CORO2A: variants seen among roughly 807,000 people sequenced by gnomAD.
CORO2A encodes coronin-2A.
CORO2A carries 47 observed loss-of-function variants against 62.4 expected under a neutral mutation model. That is an observed-to-expected ratio of 0.75 (90% confidence interval 0.60 to 0.96). The LOEUF is 0.96. Among genes scored for constraint, CORO2A ranks in the 40% least tolerant of loss-of-function variants. The pLI, the probability that CORO2A is intolerant of heterozygous loss-of-function variation, is 0.00. For missense variants in CORO2A, 610 were observed against 684.1 expected, an observed-to-expected ratio of 0.89 and a Z score of 1.21; for synonymous variants, 273 against 268.9, an observed-to-expected ratio of 1.02 and a Z score of -0.15.
intron 1 of CORO2A, among the ~76,000 whole-genome samples, chr9:98,180,424 C>T (rs1446480467): frequency 2.0e-5 from 3 of 152,010 alleles, no homozygotes; most frequent in East Asian, 1.9e-4. Flanking sequence ...CCTCACATCA[C>T]GTTTTCATCT....
chr9:98,189,490 C>T (rs1268385274), intron 1 of CORO2A, among the ~76,000 whole-genome samples: 1 of 152,170 alleles, frequency 6.6e-6, no homozygotes, highest in Admixed American at 6.5e-5. Flanking sequence ...GGGGAGCTAG[C>T]TACCTGCCTC....
intron 1 of CORO2A, among the ~76,000 whole-genome samples, chr9:98,171,753 C>T (rs1828039300): frequency 6.6e-6 from 1 of 151,510 alleles, no homozygotes. Context: ...CAGGAGCTTG[C>T]AGCGCGGGGG....
intron 2 of CORO2A, among the ~76,000 whole-genome samples, chr9:98,148,530 A>T (rs1827677126): frequency 6.6e-6 from 1 of 151,828 alleles, no homozygotes; most frequent in Non-Finnish European, 1.5e-5. Context: ...ACTTAAGCCC[A>T]GGGGTTCAAG....
chr9:98,183,248 GT>G (rs1253937126), intron 1 of CORO2A, among the ~76,000 whole-genome samples: 1 of 152,256 alleles, frequency 6.6e-6, no homozygotes, highest in African/African-American at 2.4e-5. Flanking sequence ...CAGTTGGACA[GT>G]TTGGTCACAA....
At chr9:98,138,706 T>A (rs1034616437) in intron 2 of CORO2A, among the ~76,000 whole-genome samples, 2 of 152,192 alleles carry the variant, frequency 1.3e-5, no homozygotes. Context: ...AGCACATTAA[T>A]GCATCCCCCT....
intron 2 of CORO2A, among the ~76,000 whole-genome samples, chr9:98,149,569 AG>A (rs1827695275): frequency 6.6e-6 from 1 of 152,226 alleles, no homozygotes; most frequent in South Asian, 2.1e-4. Context: ...CAGACAGTGA[AG>A]GGGGGATCAG....
chr9:98,163,136 C>G (rs1444884980), intron 1 of CORO2A, among the ~76,000 whole-genome samples: 1 of 152,254 alleles, frequency 6.6e-6, no homozygotes, highest in African/African-American at 2.4e-5. Context: ...TGTGAATTCC[C>G]AACTCCCAGA....
chr9:98,161,589 G>T (rs1302247709), intron 1 of CORO2A, among the ~76,000 whole-genome samples: 3 of 152,024 alleles, frequency 2.0e-5, no homozygotes, highest in Admixed American at 2.0e-4. Context: ...AAATAAAGCA[G>T]GGGAGATAGA....
chr9:98,162,378 A>G (rs1188974537), intron 1 of CORO2A, among the ~76,000 whole-genome samples: 1 of 152,158 alleles, frequency 6.6e-6, no homozygotes, highest in Non-Finnish European at 1.5e-5. Context: ...ACCCTCTGGA[A>G]AGGCTCCCCA....
intron 3 of CORO2A, among the ~76,000 whole-genome samples, chr9:98,136,254 T>C (rs1013875893): frequency 2.0e-5 from 3 of 152,226 alleles, no homozygotes; most frequent in Admixed American, 2.0e-4. Flanking sequence ...AGAGGCCCTA[T>C]ACTCCCTGGG....
rs1045993316 is a variant in CORO2A at position 98,157,610 on chromosome 9, G to A, written c.51C>T (p.Gly17=). The stretch of plus-strand genomic sequence containing the variant: ...AGCAGTTCTCCTTGCTGGCTGGTTT[G>A]CCAAAGACATGACGGAACTTGGAGC... ...YRSSKFRHVF[G]KPASKENCYD... The change falls in exon 2 of 12, where the codon GGC becomes GGT. Residue 17 remains glycine, a synonymous_variant. Transcript: ENST00000375077. The A allele has an allele frequency of 6.2e-7, 1 of 1,614,020 alleles. No homozygotes were observed. The highest frequency in any genetic ancestry group is 8.5e-7 in the Non-Finnish European group (1 of 1,179,912).
At chr9:98,138,652 G>A (rs183816263) in intron 2 of CORO2A, among the ~76,000 whole-genome samples, 17 of 152,366 alleles carry the variant, frequency 1.1e-4, no homozygotes, top group African/African-American at 4.1e-4. Flanking sequence ...CACACGTTGT[G>A]TGATTCCACT....
intron 2 of CORO2A, among the ~76,000 whole-genome samples, chr9:98,143,500 T>G (rs959452478): frequency 6.6e-6 from 1 of 151,968 alleles, no homozygotes; most frequent in African/African-American, 2.4e-5. Context: ...CTTCCAGGGG[T>G]GGAATCCCTG....
chr9:98,137,671 G>A lies in CORO2A; in HGVS notation c.219C>T (p.Pro73=). ...TGTGCCCGCAGACTTTTGGGTAGTG[G>A]GGGTCCAACTTCCCTGTCTGCAAGA... ...IPLHQTGKLD[P]HYPKVCGHRG... Residue 73 remains proline, a synonymous_variant, in exon 3 of 12, where the codon CCC becomes CCT. Transcript: ENST00000375077. 1.9e-6 allele frequency: 3 copies of A among 1,614,176 alleles called. No homozygotes were observed. The highest frequency in any genetic ancestry group is 2.5e-6 in the Non-Finnish European group (3 of 1,179,994).
intron 1 of CORO2A, among the ~76,000 whole-genome samples, chr9:98,163,928 G>T (rs1328524769): frequency 6.6e-6 from 1 of 152,148 alleles, no homozygotes; most frequent in Non-Finnish European, 1.5e-5. Context: ...TTCATTAATT[G>T]TACTGTTTGT....
At chr9:98,132,087 G>A in intron 6 of CORO2A, 98 bp downstream of exon 6, 1 of 930,056 alleles carries the variant, frequency 1.1e-6, no homozygotes, top group Non-Finnish European at 1.7e-6. Flanking sequence ...CGCTAAATGT[G>A]TGTGTCATAA....
intron 6 of CORO2A, among the ~76,000 whole-genome samples, chr9:98,131,573 C>G (rs1282507455): frequency 6.6e-6 from 1 of 152,062 alleles, no homozygotes; most frequent in Non-Finnish European, 1.5e-5. Context: ...CCCGCCATGG[C>G]CTTCTGAAGT....
Position 98,131,430 on chromosome 9 carries a change from A to T in CORO2A, c.766-371T>A, listed in dbSNP as rs1435953487. On this transcript the variant is annotated intron_variant, in intron 6 of 11. Coordinates refer to ENST00000375077, the MANE Select transcript of CORO2A (RefSeq NM_052820.4). ...AGTCTCAAACTCTTGGGCTCAAGCG[A>T]TCCTCTCGCCTCAGTCTCCCAAATA... Among the ~76,000 whole-genome samples the T allele has an allele frequency of 2.0e-5, 3 of 151,012 alleles. No individual in the cohort carries two copies. The East Asian group carries it at 5.9e-4, about 30-fold the overall frequency.
chr9:98,164,821 CAACT>C (rs932876806), intron 1 of CORO2A, among the ~76,000 whole-genome samples: 2 of 152,204 alleles, frequency 1.3e-5, no homozygotes, highest in Non-Finnish European at 2.9e-5. Context: ...AGAAGTAGGG[CAACT>C]AACTGTCTTG....
Sources: gnomAD v4.1 joint callset for allele counts (sites outside exome capture counted in the v4.1 genomes callset) on GRCh38, gnomAD v4.1.1 for gene constraint, MANE v1.5 for transcripts, NCBI Gene and HGNC (gene_info 2026-07-23, HGNC 2026-07-21) for gene names.